The following BCAS3 variants were observed in gnomAD, a reference collection of about 807,000 sequenced individuals.
BCAS3 encodes the protein BCAS4/BCAS3 fusion.
BCAS3 carries 53 observed loss-of-function variants against 116.1 expected under a neutral mutation model. That is an observed-to-expected ratio of 0.46 (90% CI 0.37 to 0.57). The LOEUF (loss-of-function observed/expected upper bound fraction) is 0.57, where lower values mean the gene tolerates loss of function less well. Among genes scored for constraint, BCAS3 ranks in the 20% least tolerant of loss-of-function variants. BCAS3 has a pLI of 0.00. For missense variants in BCAS3, 917 were observed against 1,165.4 expected (o/e 0.79, Z 3.10); for synonymous variants, 391 against 408.2 (o/e 0.96, Z 0.51).
chr17:61,001,545 A>G (rs1029353037), intron 15 of BCAS3, among the ~76,000 whole-genome samples: 1 of 152,106 alleles, frequency 6.6e-6, no homozygotes, highest in Non-Finnish European at 1.5e-5. Context: ...TTCCATGTGC[A>G]TGTTTTAATT....
intron 19 of BCAS3, among the ~76,000 whole-genome samples, chr17:61,048,549 T>C (rs1008826944): frequency 2.0e-5 from 3 of 151,982 alleles, no homozygotes; most frequent in Admixed American, 2.0e-4. Context: ...GCTTTTATTG[T>C]AAATAAAGTT....
rs544369802 is a variant in BCAS3 at position 61,186,773 on chromosome 17, C to T, written c.2425+102209C>T. 1.4e-4 allele frequency among the ~76,000 whole-genome samples: 21 copies of T among 151,888 alleles called. No individual in the cohort carries two copies. In the Middle Eastern group the frequency reaches 0.017, roughly 123 times the overall value. ...TCGCCCAGGTTGGAGTGCAGTGGCA[C>T]GATCTCAGCTTACTGCAAGCTCCAC... On this transcript the variant is annotated intron_variant, in intron 22 of 23. Transcript: ENST00000407086. This position sits in a 1 kb window ranked among gnomAD's most constrained non-coding sequence, Gnocchi z 4.9.
At chr17:61,267,901 A>G (rs2049889437) in intron 22 of BCAS3, among the ~76,000 whole-genome samples, 1 of 152,042 alleles carries the variant, frequency 6.6e-6, no homozygotes, top group Non-Finnish European at 1.5e-5. Context: ...AACCTGTCCT[A>G]TATAGGTCTT....
chr17:61,134,580 C>T lies in BCAS3; in HGVS notation c.2425+50016C>T, dbSNP rs1036366807. 3.9e-5 allele frequency among the ~76,000 whole-genome samples: 6 copies of T among 152,124 alleles called. No individual in the cohort carries two copies. Among genetic ancestry groups the T allele is most frequent in the East Asian group, 3.9e-4 (2 of 5,178 alleles). ...GAATTATAGGAAAGTATTTTAAAGT[C>T]GAGAGAACTGTGTTATGGTGGGACA... On this transcript the variant is annotated intron_variant, in intron 22 of 23. Transcript: ENST00000407086. The surrounding 1 kb of genome is among the most constrained non-coding windows in gnomAD (Gnocchi z 4.6).
chr17:60,836,378 A>G (rs1360664419), intron 7 of BCAS3, among the ~76,000 whole-genome samples: 6 of 152,166 alleles, frequency 3.9e-5, no homozygotes, highest in African/African-American at 9.7e-5. Context: ...CTCAACATAC[A>G]ACAGTGAGCG....
chr17:61,319,328 C>G (rs888574975), intron 22 of BCAS3, among the ~76,000 whole-genome samples: 5 of 152,092 alleles, frequency 3.3e-5, no homozygotes, highest in Non-Finnish European at 7.3e-5. Context: ...GATATGACAC[C>G]CCCTACATTA....
intron 5 of BCAS3, among the ~76,000 whole-genome samples, chr17:60,717,234 G>A (rs1380016418): frequency 8.1e-6 from 1 of 122,992 alleles, no homozygotes; most frequent in Non-Finnish European, 1.7e-5. Flanking sequence ...TTTTTTTTGT[G>A]AGACAGAGTC....
rs1312596699 is a variant in BCAS3, at chr17:61,032,224, A to G, written c.1638-2442A>G. The stretch of plus-strand genomic sequence containing the variant: ...GGCATGCTCACTTGTTACTTACCAC[A>G]TGATTTAAAAACAACAACAATGACA... On this transcript the variant is annotated intron_variant, in intron 16 of 23. Coordinates refer to ENST00000407086, the MANE Select transcript of BCAS3 (RefSeq NM_017679.5). This position sits in a 1 kb window ranked among gnomAD's most constrained non-coding sequence, Gnocchi z 4.6. Among the ~76,000 whole-genome samples, 1 of 152,162 alleles carries G rather than the reference A, an allele frequency of 6.6e-6. No individual in the cohort carries two copies. Among genetic ancestry groups the G allele is most frequent in the African/African-American group, 2.4e-5 (1 of 41,460 alleles).
chr17:61,063,621 A>G lies in BCAS3; in HGVS notation c.2030-11299A>G, dbSNP rs1157723472. 6.6e-6 allele frequency among the ~76,000 whole-genome samples: 1 copy of G among 152,134 alleles called. No individual in the cohort carries two copies. Among genetic ancestry groups the G allele is most frequent in the Middle Eastern group, 3.2e-3 (1 of 316 alleles). On this transcript the variant is annotated intron_variant, in intron 19 of 23. Coordinates refer to ENST00000407086, the MANE Select transcript of BCAS3 (RefSeq NM_017679.5). The surrounding 1 kb of genome is among the most constrained non-coding windows in gnomAD (Gnocchi z 5.3). ...CAGGATCTTGTTTCCACTTGATTAA[A>G]ATTTCCATTGAAAGCTTTGCTGTAG...
chr17:60,836,770 A>C (rs756202127), intron 7 of BCAS3, among the ~76,000 whole-genome samples: 1 of 152,172 alleles, frequency 6.6e-6, no homozygotes, highest in Non-Finnish European at 1.5e-5. Flanking sequence ...TGAGGCAAGC[A>C]GAAAAAGTGA....
Position 61,191,199 on chromosome 17 carries a change from G to GAGACT in BCAS3, c.2425+106637_2425+106641dup, listed in dbSNP as rs571379139. ...GAGGACTGCTTGAGCCCGGGAGGTT[G>GAGACT]AGACTACAGTGAGCTCTGATTGCAC... On this transcript the variant is annotated intron_variant, in intron 22 of 23. Coordinates refer to ENST00000407086, the MANE Select transcript of BCAS3 (RefSeq NM_017679.5). Among the ~76,000 whole-genome samples the GAGACT allele has an allele frequency of 7.9e-5, 12 of 152,244 alleles. No homozygotes were observed. The South Asian group carries it at 2.5e-3, about 32-fold the overall frequency.
At position 61,348,878 on chromosome 17, in the gene BCAS3, G is replaced by A. The variant is rs1344902558; in HGVS notation, c.2426-19449G>A. 1.3e-5 allele frequency among the ~76,000 whole-genome samples: 2 copies of A among 149,980 alleles called. No homozygotes were observed. Among genetic ancestry groups the A allele is most frequent in the Non-Finnish European group, 3.0e-5 (2 of 67,698 alleles). Reference sequence around the variant, plus strand: ...TGCCATTCTCCTGCCTCAGCTTCCCGAGTAGCTGGGACTACAGGCGCCCAC... The same window carrying A: ...TGCCATTCTCCTGCCTCAGCTTCCCAAGTAGCTGGGACTACAGGCGCCCAC... On this transcript the variant is annotated intron_variant, in intron 22 of 23. Transcript: ENST00000407086. The surrounding 1 kb of genome is among the most constrained non-coding windows in gnomAD (Gnocchi z 4.5).
At chr17:61,372,576 C>A (rs941264547) in intron 23 of BCAS3, among the ~76,000 whole-genome samples, 1 of 152,180 alleles carries the variant, frequency 6.6e-6, no homozygotes, top group African/African-American at 2.4e-5. Context: ...TTCCCCATCC[C>A]GGTGTCCAAA....
intron 3 of BCAS3, chr17:60,687,874 G>A: frequency 6.6e-6 from 1 of 152,160 alleles, no homozygotes; most frequent in East Asian, 1.9e-4. Flanking sequence ...ACTAAGGAGA[G>A]AGGAAACTTG....
At chr17:60,950,963 T>G (rs1310202459) in intron 14 of BCAS3, among the ~76,000 whole-genome samples, 1 of 152,222 alleles carries the variant, frequency 6.6e-6, no homozygotes. Flanking sequence ...GCATAGTGAA[T>G]CCCGTGGAGA....
rs114984709 is a variant in BCAS3 at position 61,042,445 on chromosome 17, T to C, written c.2029+1553T>C. 5.9e-4 allele frequency among the ~76,000 whole-genome samples: 90 copies of C among 152,138 alleles called. 1 individual carries two copies. The highest frequency in any genetic ancestry group is 2.4e-3 in the Admixed American group (37 of 15,288). On this transcript the variant is annotated intron_variant, in intron 19 of 23. Coordinates refer to ENST00000407086, the MANE Select transcript of BCAS3 (RefSeq NM_017679.5). ...TGACCTTATTGACATTACACTCTGC[T>C]TGATTTTAGCTGCCCTAAACACCTT...
chr17:60,968,289 C>G (rs1055990824), intron 14 of BCAS3, among the ~76,000 whole-genome samples: 3 of 152,120 alleles, frequency 2.0e-5, no homozygotes, highest in Non-Finnish European at 4.4e-5. Context: ...AGTCATTGCT[C>G]ACTGTAATCT....
chr17:60,811,438 C>A, intron 7 of BCAS3: 1 of 595,930 alleles, frequency 1.7e-6, no homozygotes, highest in Non-Finnish European at 3.1e-6. Context: ...CTGAGACCAG[C>A]GACATCAAAG....
rs2058890960 is a variant in BCAS3 at position 61,368,971 on chromosome 17, C to A, written c.2593+477C>A. 6.6e-6 allele frequency among the ~76,000 whole-genome samples: 1 copy of A among 152,136 alleles called. No individual in the cohort carries two copies. The highest frequency in any genetic ancestry group is 1.5e-5 in the Non-Finnish European group (1 of 68,026). ...TGCTGCCTTTGGCCTTGCATTCTTG[C>A]CTCTGAGCGAGTCCAGCAACTAGGG... On this transcript the variant is annotated intron_variant, in intron 23 of 23. Transcript: ENST00000407086. This position sits in a 1 kb window ranked among gnomAD's most constrained non-coding sequence, Gnocchi z 6.0.
Sources: allele counts gnomAD v4.1 joint callset (sites outside exome capture counted in the v4.1 genomes callset), GRCh38; gene constraint gnomAD v4.1.1; non-coding constraint Gnocchi (gnomAD v3.1); transcripts MANE v1.5; gene names NCBI Gene and HGNC (gene_info 2026-07-23, HGNC 2026-07-21).